The following FHDC1 variants were observed in gnomAD, a reference collection of about 807,000 sequenced individuals.
FHDC1 encodes the protein FH2 domain containing 1.
In FHDC1, 25 loss-of-function variants were observed where a neutral mutation model predicts 52.6. The observed-to-expected ratio is 0.48, with a 90% CI of 0.35 to 0.66. FHDC1 has a LOEUF of 0.66. Ranked by LOEUF, FHDC1 falls within the 30% of genes least tolerant of loss-of-function variation. FHDC1 has a pLI of 0.01. For synonymous variants in FHDC1, 616 were observed against 581.5 expected, an observed-to-expected ratio of 1.06 and a Z score of -0.85; for missense variants, 1,459 against 1,452.8, an observed-to-expected ratio of 1.00 and a Z score of -0.07.
chr4:152,948,540 A>G (rs1338346212), intron 2 of FHDC1, among the ~76,000 whole-genome samples: 1 of 151,972 alleles, frequency 6.6e-6, no homozygotes, highest in African/African-American at 2.4e-5. Context: ...TGCAACCTCC[A>G]CCTCCTGGTT....
Position 152,943,184 on chromosome 4 carries a change from CCAT to C in FHDC1, c.129_131del (p.Ser44del). The C allele has an allele frequency of 6.2e-7, 1 of 1,612,808 alleles. No homozygotes were observed. The highest frequency in any genetic ancestry group is 1.1e-5 in the South Asian group (1 of 90,962). ...TCCTCCACCTCCTCCTCCACCCCCT[CCAT>C]CTCCACCATGTTCATGTTCAAGGGA... is the stretch of plus-strand genomic sequence containing the variant. On this transcript the variant is annotated inframe_deletion, in exon 2 of 12. Coordinates refer to ENST00000511601, the MANE Select transcript of FHDC1 (RefSeq NM_001371116.1).
At chr4:152,949,133 G>T (rs144878877) in intron 2 of FHDC1, among the ~76,000 whole-genome samples, 2,298 of 54,456 alleles carry the variant, frequency 0.042, 29 homozygotes, top group South Asian at 0.078. Context: ...ATAAGAAGAA[G>T]AAGAAGAAGA....
At chr4:152,944,343 TAAATA>T (rs1739663715) in intron 2 of FHDC1, among the ~76,000 whole-genome samples, 1 of 145,380 alleles carries the variant, frequency 6.9e-6, no homozygotes, top group African/African-American at 2.5e-5. Context: ...CTAGAAAAAA[TAAATA>T]AAAATAAAAA....
the FHDC1 span, chr4:152,927,398 G>C: frequency 3.9e-6 from 3 of 771,564 alleles, no homozygotes; most frequent in Non-Finnish European, 7.2e-6. Context: ...AGTCAATTTA[G>C]AAAGTTTATT....
chr4:152,936,446 G>C (rs1739380040), intron 1 of FHDC1, 37 bp downstream of exon 1: 1 of 152,198 alleles, frequency 6.6e-6, no homozygotes, highest in South Asian at 2.1e-4. Flanking sequence ...GGGGGCGACC[G>C]CGGCGCGGGA....
rs1418949829 is a variant in FHDC1 at position 152,979,344 on chromosome 4, C to T, written c.*2621C>T. 6.6e-6 allele frequency: 1 copy of T among 152,268 alleles called. No individual in the cohort carries two copies. Among genetic ancestry groups the T allele is most frequent in the Non-Finnish European group, 1.5e-5 (1 of 68,072 alleles). 9.4% of individuals were successfully genotyped at this position (152,268 alleles called of 1,614,324 possible). On this transcript the variant is annotated 3_prime_UTR_variant, in exon 12 of 12. Coordinates refer to ENST00000511601, the MANE Select transcript of FHDC1 (RefSeq NM_001371116.1). ...GCTCCTCAGAACCAACCCCCAGCAT[C>T]TCTAAAGCAAAAGCCTCACCTCAAG...
chr4:152,968,660 C>G (rs1206226582), intron 10 of FHDC1, among the ~76,000 whole-genome samples: 2 of 152,154 alleles, frequency 1.3e-5, no homozygotes, highest in Non-Finnish European at 2.9e-5. Flanking sequence ...AGGGACAGTG[C>G]TTCTGCGAGG....
At chr4:152,958,091 T>C (rs1740159911) in intron 4 of FHDC1, among the ~76,000 whole-genome samples, 1 of 152,118 alleles carries the variant, frequency 6.6e-6, no homozygotes, top group South Asian at 2.1e-4. Context: ...AGGAAGCCCA[T>C]GGGTCTTCTG....
intron 2 of FHDC1, among the ~76,000 whole-genome samples, chr4:152,949,451 G>T (rs760926786): frequency 6.6e-6 from 1 of 152,148 alleles, no homozygotes; most frequent in Non-Finnish European, 1.5e-5. Flanking sequence ...CCGCACTCCA[G>T]CCTAGGTGAC....
chr4:152,943,299 C>G lies in FHDC1; in HGVS notation c.242C>G (p.Pro81Arg). ...PIPPPPPGLP[P>R]TTHMNGYSHL... ...CCACCTCCCCCACCAGGCCTACCCC[C>G]AACTACTCACATGAACGGCTACAGC... Residue 81 changes from proline (P) to arginine (R), a missense_variant, in exon 2 of 12, where the codon CCA (proline) becomes CGA (arginine). Pro to Arg is a moderately radical substitution (Grantham distance 103). Coordinates refer to ENST00000511601, the MANE Select transcript of FHDC1 (RefSeq NM_001371116.1). 5 of 1,612,884 alleles carry G rather than the reference C, an allele frequency of 3.1e-6. No homozygotes were observed. Among genetic ancestry groups the G allele is most frequent in the Non-Finnish European group, 4.2e-6 (5 of 1,179,770 alleles).
In FHDC1 at chr4:152,960,472, T is replaced by A. The variant is rs1740245492; in HGVS notation, c.664-93T>A. On this transcript the variant is annotated intron_variant, in intron 4 of 11. Transcript: ENST00000511601. Reference sequence around the variant, plus strand: ...ATTTGAATTTAGCACTAAAATCCTATTTTTTTAGAAGAATTGGAAGATGAA... The same window carrying A: ...ATTTGAATTTAGCACTAAAATCCTAATTTTTTAGAAGAATTGGAAGATGAA... 8.9e-6 allele frequency: 10 copies of A among 1,127,536 alleles called. No individual in the cohort carries two copies. In the South Asian group the frequency reaches 1.4e-4, roughly 16 times the overall value. 69.8% of individuals were successfully genotyped at this position (1,127,536 alleles called of 1,614,324 possible).
At chr4:152,915,186 G>A in the FHDC1 span, among the ~76,000 whole-genome samples, 6 of 152,148 alleles carry the variant, frequency 3.9e-5, no homozygotes, top group East Asian at 1.9e-4. Flanking sequence ...AGAAAAGCAC[G>A]GGGTAGGCTG....
rs545340902 is a variant in FHDC1, at chr4:152,953,121, G to A, written c.499-378G>A. Among the ~76,000 whole-genome samples the A allele has an allele frequency of 7.7e-4, 116 of 151,570 alleles. 6 individuals are homozygous for A. In the South Asian group the frequency reaches 0.022, roughly 29 times the overall value. ...TGCACTCCAGCCTGGGCAACGGAGCGAGACTCTGTCTCCAAAAAAAAAAAG... is the reference window on the plus strand; with the variant it reads ...TGCACTCCAGCCTGGGCAACGGAGCAAGACTCTGTCTCCAAAAAAAAAAAG... On this transcript the variant is annotated intron_variant, in intron 2 of 11. Transcript: ENST00000511601.
the FHDC1 span, chr4:152,928,058 G>C: frequency 7.1e-7 from 1 of 1,411,442 alleles, no homozygotes. Flanking sequence ...CTGCCCCTCT[G>C]CTGCAGTCTG....
Position 152,967,827 on chromosome 4 carries a change from A to G in FHDC1, c.1101-153A>G, listed in dbSNP as rs61550727. Among the ~76,000 whole-genome samples, 703 of 152,374 alleles carry G rather than the reference A, an allele frequency of 4.6e-3. 5 individuals are homozygous for G. The highest frequency in any genetic ancestry group is 0.017 in the African/African-American group (687 of 41,582). On this transcript the variant is annotated intron_variant, in intron 9 of 11. Transcript: ENST00000511601. ...ATCACTTCTTAAAACAGGAGGAAAC[A>G]CAAAAGATCTAAATACAGGGGTAGA...
chr4:152,954,725 C>T (rs1432216944), intron 4 of FHDC1, among the ~76,000 whole-genome samples: 3 of 152,128 alleles, frequency 2.0e-5, no homozygotes, highest in African/African-American at 7.2e-5. Flanking sequence ...CTCACATGCT[C>T]ACATGGGAAG....
the FHDC1 span, chr4:152,927,947 G>A: frequency 3.7e-5 from 54 of 1,464,886 alleles, no homozygotes; most frequent in Non-Finnish European, 4.7e-5. Flanking sequence ...TGACAACAGT[G>A]TGAAAAGACT....
chr4:152,959,935 A>G (rs539791393), intron 4 of FHDC1, among the ~76,000 whole-genome samples: 1 of 104,418 alleles, frequency 9.6e-6, no homozygotes, highest in African/African-American at 4.0e-5. Context: ...CCTGGGGGCA[A>G]TCTTAACGTC....
upstream of FHDC1, among the ~76,000 whole-genome samples, chr4:152,933,001 C>T (rs982169535): frequency 3.9e-5 from 6 of 152,194 alleles, no homozygotes; most frequent in Admixed American, 3.3e-4. Flanking sequence ...AGCTGCAAAT[C>T]GAATCAGGAA....
Sources: allele counts gnomAD v4.1 joint callset (sites outside exome capture counted in the v4.1 genomes callset), GRCh38; gene constraint gnomAD v4.1.1; transcripts MANE v1.5; gene names NCBI Gene and HGNC (gene_info 2026-07-23, HGNC 2026-07-21).